Variants in CDH4 observed in about 807,000 individuals in gnomAD.
CDH4 encodes cadherin-4.
Under a neutral mutation model 86.0 loss-of-function variants are expected in CDH4, and 33 were observed. The observed-to-expected ratio is 0.38, with a 90% CI of 0.29 to 0.51. The LOEUF is 0.51. Among genes scored for constraint, CDH4 ranks in the 20% least tolerant of loss-of-function variants. The pLI is 0.86. For synonymous variants in CDH4, 555 were observed against 549.4 expected, an observed-to-expected ratio of 1.01 and a Z score of -0.14; for missense variants, 1,114 against 1,307.4, an observed-to-expected ratio of 0.85 and a Z score of 2.28.
chr20:61,538,115 G>A (rs1314348597), intron 2 of CDH4, among the ~76,000 whole-genome samples: 2 of 152,144 alleles, frequency 1.3e-5, no homozygotes, highest in Non-Finnish European at 2.9e-5. Context: ...TGTCCGAGAG[G>A]CCAAGTTCAA....
At chr20:61,819,106 C>T (rs1042373928) in intron 4 of CDH4, among the ~76,000 whole-genome samples, 10 of 152,240 alleles carry the variant, frequency 6.6e-5, no homozygotes, top group African/African-American at 2.4e-4. Flanking sequence ...GGGCTCACTG[C>T]TGCAGCCCTT....
intron 2 of CDH4, among the ~76,000 whole-genome samples, chr20:61,270,835 C>T (rs1459581739): frequency 2.6e-5 from 4 of 151,910 alleles, no homozygotes; most frequent in African/African-American, 4.8e-5. Context: ...GCGGGGAGGT[C>T]GAGGCAGCTC....
intron 2 of CDH4, among the ~76,000 whole-genome samples, chr20:61,612,440 G>C (rs997328947): frequency 6.6e-6 from 1 of 152,084 alleles, no homozygotes; most frequent in Non-Finnish European, 1.5e-5. Flanking sequence ...ATAATAGGAT[G>C]CTGTGGGCAT....
intron 2 of CDH4, among the ~76,000 whole-genome samples, chr20:61,503,444 T>C (rs533517977): frequency 6.6e-6 from 1 of 152,350 alleles, no homozygotes; most frequent in East Asian, 1.9e-4. Context: ...GAAAATTTCT[T>C]TTGAAAAAGC....
intron 2 of CDH4, among the ~76,000 whole-genome samples, chr20:61,391,497 C>T (rs1321576728): frequency 1.3e-5 from 2 of 152,034 alleles, no homozygotes; most frequent in Non-Finnish European, 1.5e-5. Flanking sequence ...ACACATGCCC[C>T]ACCACTCTGC....
At chr20:61,612,868 G>C (rs1216282305) in intron 2 of CDH4, among the ~76,000 whole-genome samples, 1 of 152,028 alleles carries the variant, frequency 6.6e-6, no homozygotes, top group African/African-American at 2.4e-5. Context: ...TCTCCTCATT[G>C]GTCTCTTTGG....
chr20:61,836,793 T>C (rs1981900439), intron 4 of CDH4, among the ~76,000 whole-genome samples: 1 of 152,238 alleles, frequency 6.6e-6, no homozygotes, highest in African/African-American at 2.4e-5. Context: ...GGAATTACAC[T>C]TTGCATCAAC....
chr20:61,556,625 G>A (rs547678071), intron 2 of CDH4, among the ~76,000 whole-genome samples: 10 of 152,162 alleles, frequency 6.6e-5, no homozygotes, highest in Admixed American at 6.5e-5. Context: ...TTTTCATAGC[G>A]TCCCACCTGA....
chr20:61,682,504 G>C (rs2087528320), intron 2 of CDH4, among the ~76,000 whole-genome samples: 2 of 151,714 alleles, frequency 1.3e-5, no homozygotes, highest in Non-Finnish European at 2.9e-5. Flanking sequence ...TGGACGGAGA[G>C]ATGGACACAC....
chr20:61,932,443 C>T (rs2055121916), intron 13 of CDH4, among the ~76,000 whole-genome samples: 1 of 152,176 alleles, frequency 6.6e-6, no homozygotes, highest in Non-Finnish European at 1.5e-5. Context: ...CACATGGGCA[C>T]ACATGTACTA....
chr20:61,732,566 C>CA lies in CDH4; in HGVS notation c.170-10995dup, dbSNP rs1488492654. ...CGGGGAATGCTCTTCCCTCAGGCAC[C>CA]AACACAGCCTTCCACCTCTCTTCAT... On this transcript the variant is annotated intron_variant, in intron 2 of 15. Coordinates refer to ENST00000614565, the MANE Select transcript of CDH4 (RefSeq NM_001794.5). Among the ~76,000 whole-genome samples the CA allele has an allele frequency of 1.1e-4, 16 of 152,272 alleles. 1 individual carries two copies. The highest frequency in any genetic ancestry group is 8.5e-4 in the Admixed American group (13 of 15,304).
chr20:61,836,507 C>T (rs1161865465), intron 4 of CDH4, among the ~76,000 whole-genome samples: 1 of 152,218 alleles, frequency 6.6e-6, no homozygotes, highest in Non-Finnish European at 1.5e-5. Flanking sequence ...CAACAAATGA[C>T]TTCTCACTTC....
chr20:61,485,720 G>A (rs926692947), intron 2 of CDH4, among the ~76,000 whole-genome samples: 5 of 152,236 alleles, frequency 3.3e-5, no homozygotes, highest in Non-Finnish European at 7.3e-5. Flanking sequence ...ATCAGCCCTG[G>A]CCAGGTACCA....
intron 8 of CDH4, among the ~76,000 whole-genome samples, chr20:61,898,191 G>A (rs1386126302): frequency 2.0e-5 from 3 of 152,268 alleles, no homozygotes; most frequent in African/African-American, 4.8e-5. Flanking sequence ...GCAGGATGGC[G>A]AAGGCCGGCC....
chr20:61,443,745 C>T (rs559889753), intron 2 of CDH4, among the ~76,000 whole-genome samples: 46 of 152,052 alleles, frequency 3.0e-4, no homozygotes, highest in African/African-American at 9.6e-4. Flanking sequence ...CCTGCAGGAC[C>T]GGGTCTTGCT....
intron 2 of CDH4, among the ~76,000 whole-genome samples, chr20:61,368,316 C>T (rs536938453): frequency 6.6e-6 from 1 of 152,246 alleles, no homozygotes; most frequent in African/African-American, 2.4e-5. Flanking sequence ...GGGAAGTGAT[C>T]CATGAGAGTG....
intron 2 of CDH4, among the ~76,000 whole-genome samples, chr20:61,549,689 G>T (rs1030162477): frequency 6.6e-6 from 1 of 152,202 alleles, no homozygotes; most frequent in Non-Finnish European, 1.5e-5. Context: ...GGGATGTTAT[G>T]TGCACCGCTG....
At chr20:61,833,441 G>A (rs545832963) in intron 4 of CDH4, among the ~76,000 whole-genome samples, 21 of 152,058 alleles carry the variant, frequency 1.4e-4, no homozygotes, top group African/African-American at 3.6e-4. Context: ...ATAGTATTCC[G>A]GCATTATTAC....
chr20:61,261,007 C>T (rs1407198034), intron 2 of CDH4, among the ~76,000 whole-genome samples: 3 of 152,190 alleles, frequency 2.0e-5, no homozygotes, highest in Non-Finnish European at 2.9e-5. Flanking sequence ...AGAAATAAAG[C>T]GAGGCAGAAC....
Sources: gnomAD v4.1 joint callset for allele counts (sites outside exome capture counted in the v4.1 genomes callset) on GRCh38, gnomAD v4.1.1 for gene constraint, MANE v1.5 for transcripts, NCBI Gene and HGNC (gene_info 2026-07-23, HGNC 2026-07-21) for gene names.